ROBO1: variants seen among roughly 807,000 people sequenced by gnomAD.
The protein encoded by ROBO1 is roundabout guidance receptor 1.
ROBO1 carries 149 observed loss-of-function variants against 195.9 expected under a neutral mutation model. The ratio of observed to expected loss-of-function variants is 0.76; its 90% CI spans 0.67 to 0.87. The LOEUF (loss-of-function observed/expected upper bound fraction) is 0.87. ROBO1 is among the 40% of genes least tolerant of loss of function. ROBO1 has a pLI of 0.00. For synonymous variants in ROBO1, 816 were observed against 733.2 expected (o/e 1.11, Z -1.82); for missense variants, 1,933 against 2,068.3 (o/e 0.93, Z 1.27).
intron 3 of ROBO1, among the ~76,000 whole-genome samples, chr3:79,066,640 G>GA: frequency 6.6e-6 from 1 of 151,980 alleles, no homozygotes; most frequent in East Asian, 1.9e-4. Context: ...TTTTATCAGT[G>GA]AAAACTGCAA....
chr3:79,086,510 T>C (rs1161642868), intron 3 of ROBO1, among the ~76,000 whole-genome samples: 1 of 152,136 alleles, frequency 6.6e-6, no homozygotes, highest in African/African-American at 2.4e-5. Flanking sequence ...TGACAATTGG[T>C]ACAAGACATA....
At chr3:78,647,535 C>A (rs1706378450) in intron 20 of ROBO1, 94 bp downstream of exon 20, 1 of 1,218,828 alleles carries the variant, frequency 8.2e-7, no homozygotes, top group Non-Finnish European at 1.2e-6. Flanking sequence ...TTTCCCCCAA[C>A]TTACTGCAGA....
intron 5 of ROBO1, among the ~76,000 whole-genome samples, chr3:78,720,956 G>C (rs1000391488): frequency 4.6e-5 from 7 of 151,130 alleles, no homozygotes; most frequent in Admixed American, 1.3e-4. Context: ...GGGTTGGGGG[G>C]GGGGCGGTGG....
At chr3:79,416,632 G>GA (rs1222100976) in intron 2 of ROBO1, among the ~76,000 whole-genome samples, 2 of 149,030 alleles carry the variant, frequency 1.3e-5, no homozygotes, top group South Asian at 2.1e-4. Flanking sequence ...AAGAAAGAAA[G>GA]AAAAAAAAGA....
Position 78,651,718 on chromosome 3 carries a change from G to T in ROBO1, c.2812+14C>A. 3 of 1,539,646 alleles carry T rather than the reference G, an allele frequency of 1.9e-6. No individual in the cohort carries two copies. Among genetic ancestry groups the T allele is most frequent in the South Asian group, 2.5e-5 (2 of 80,866 alleles). On this transcript the variant is annotated intron_variant, in intron 19 of 30. Transcript: ENST00000464233. ...ATAAACATTAAAATATGAAAACCTT[G>T]GGAAAGCTAATACCTTTTCTGATAC...
At chr3:79,265,345 T>C (rs960410598) in intron 2 of ROBO1, among the ~76,000 whole-genome samples, 2 of 151,536 alleles carry the variant, frequency 1.3e-5, no homozygotes, top group African/African-American at 4.8e-5. Flanking sequence ...CAAATGGTAG[T>C]TCCTTATTCA....
Position 78,598,230 on chromosome 3 carries a change from C to T in ROBO1, c.*683G>A, listed in dbSNP as rs148128920. ...AACCAGAGATCCAACTGGCTTAGCC[C>T]TACTTATCCAAAAGTACATTTCCAA... On this transcript the variant is annotated 3_prime_UTR_variant, in exon 31 of 31. Transcript: ENST00000464233. 4.6e-5 allele frequency: 7 copies of T among 152,406 alleles called. No homozygotes were observed. The highest frequency in any genetic ancestry group is 1.4e-4 in the African/African-American group (6 of 41,562). The allele number at this position is 152,406 out of a possible 1,614,324, so 9.4% of individuals were successfully genotyped here. A position where few individuals can be genotyped will look rare whatever the true frequency, so the allele number is the denominator to read the frequency against.
chr3:78,636,067 G>C lies in ROBO1; in HGVS notation c.3079C>G (p.Gln1027Glu). 1 of 1,613,366 alleles carries C rather than the reference G, an allele frequency of 6.2e-7. No individual in the cohort carries two copies. The part of the protein sequence containing the change: ...ANYNNQLDNK[Q>E]TNLMLPESTV... ...GACTCAGGGAGCATCAGATTTGTTT[G>C]TTTGTTATCCAGTTGGTTGTTATAA... Residue 1027 changes from glutamine to glutamate, a missense_variant, in exon 23 of 31, where the codon CAA (glutamine) becomes GAA (glutamate). Gln to Glu is a conservative substitution (Grantham distance 29). Transcript: ENST00000464233.
intron 4 of ROBO1, among the ~76,000 whole-genome samples, chr3:78,853,090 A>C (rs565734971): frequency 4.3e-4 from 66 of 152,296 alleles, no homozygotes; most frequent in Non-Finnish European, 5.3e-4. Flanking sequence ...CAGGATGTTC[A>C]AGTGGAAATG....
chr3:79,484,904 C>A (rs376911870), intron 2 of ROBO1, among the ~76,000 whole-genome samples: 35 of 151,822 alleles, frequency 2.3e-4, no homozygotes, highest in South Asian at 8.4e-4. Context: ...CAGGCGTGCA[C>A]CACCATGCCT....
At chr3:78,799,274 A>G (rs1422163041) in intron 4 of ROBO1, among the ~76,000 whole-genome samples, 4 of 151,800 alleles carry the variant, frequency 2.6e-5, no homozygotes, top group African/African-American at 9.7e-5. Context: ...GCCTGCTTTT[A>G]TATTCAAGCT....
At chr3:79,179,133 TAAAC>T (rs976789252) in intron 2 of ROBO1, among the ~76,000 whole-genome samples, 7 of 152,016 alleles carry the variant, frequency 4.6e-5, no homozygotes, top group African/African-American at 1.2e-4. Context: ...CCACTAAAAA[TAAAC>T]AAACAAACAA....
Position 78,930,478 on chromosome 3 carries a change from T to C in ROBO1, c.499+8123A>G, listed in dbSNP as rs1354445882. Among the ~76,000 whole-genome samples, 3 of 152,000 alleles carry C rather than the reference T, an allele frequency of 2.0e-5. No individual in the cohort carries two copies. The East Asian group carries it at 5.8e-4, about 29-fold the overall frequency. On this transcript the variant is annotated intron_variant, in intron 4 of 30. Transcript: ENST00000464233. ...AGGTGGACTTGGAAGAAGAGCACAT[T>C]CCAGGTAAGAGAAAAACAGAAAGTA...
intron 4 of ROBO1, among the ~76,000 whole-genome samples, chr3:78,896,626 C>A (rs1200136765): frequency 7.7e-6 from 1 of 129,912 alleles, no homozygotes; most frequent in African/African-American, 2.9e-5. Context: ...AGCCCGCCTG[C>A]ACCCAAGTAA....
chr3:79,401,320 C>T (rs892180564), intron 2 of ROBO1, among the ~76,000 whole-genome samples: 9 of 151,766 alleles, frequency 5.9e-5, no homozygotes, highest in African/African-American at 1.9e-4. Context: ...GAAGTTGCTA[C>T]AGTTAGCTAA....
intron 2 of ROBO1, among the ~76,000 whole-genome samples, chr3:79,577,398 A>T (rs1396427340): frequency 6.6e-6 from 1 of 152,172 alleles, no homozygotes; most frequent in Non-Finnish European, 1.5e-5. Flanking sequence ...TTTAGCGAAG[A>T]GTTTTTGGTA....
intron 2 of ROBO1, among the ~76,000 whole-genome samples, chr3:79,322,377 T>C (rs757914135): frequency 3.3e-5 from 5 of 152,178 alleles, no homozygotes; most frequent in Non-Finnish European, 7.3e-5. Context: ...ATACTGAGCA[T>C]TATGGGAGCA....
At chr3:78,676,367 C>A (rs1190214427) in intron 10 of ROBO1, among the ~76,000 whole-genome samples, 4 of 152,096 alleles carry the variant, frequency 2.6e-5, no homozygotes, top group African/African-American at 9.7e-5. Flanking sequence ...TTCAGACGAT[C>A]AAACTACTCC....
chr3:78,941,023 G>T (rs2040104759), intron 3 of ROBO1, among the ~76,000 whole-genome samples: 1 of 152,130 alleles, frequency 6.6e-6, no homozygotes, highest in African/African-American at 2.4e-5. Flanking sequence ...ACCTTTAATA[G>T]ACTGTAAGCC....
Sources: allele counts gnomAD v4.1 joint callset (sites outside exome capture counted in the v4.1 genomes callset), GRCh38; gene constraint gnomAD v4.1.1; transcripts MANE v1.5; gene names NCBI Gene and HGNC (gene_info 2026-07-23, HGNC 2026-07-21).